SUGCT: variants seen among roughly 807,000 people sequenced by gnomAD.
The protein encoded by SUGCT is succinyl-CoA:glutarate-CoA transferase, also known as succinyl-CoA:glutarate CoA-transferase.
In SUGCT, 41 loss-of-function variants were observed where a neutral mutation model predicts 55.0. The observed-to-expected ratio is 0.74, with a 90% confidence interval of 0.58 to 0.97. The LOEUF (loss-of-function observed/expected upper bound fraction) is 0.97. Among genes scored for constraint, SUGCT ranks in the 50% least tolerant of loss-of-function variants. SUGCT has a pLI of 0.00. For synonymous variants in SUGCT, 187 were observed against 200.4 expected, an observed-to-expected ratio of 0.93 and a Z score of 0.56; for missense variants, 568 against 547.8, an observed-to-expected ratio of 1.04 and a Z score of -0.37.
At chr7:41,003,982 C>A in the SUGCT span, among the ~76,000 whole-genome samples, 1 of 152,174 alleles carries the variant, frequency 6.6e-6, no homozygotes, top group African/African-American at 2.4e-5. Context: ...AAATAAAAAT[C>A]CATCCCACCA....
intron 13 of SUGCT, among the ~76,000 whole-genome samples, chr7:40,752,793 C>T (rs968266058): frequency 3.9e-5 from 6 of 152,212 alleles, no homozygotes; most frequent in African/African-American, 1.4e-4. Context: ...CACTTGACTA[C>T]AACAGAGTTC....
chr7:40,505,398 G>A (rs1450900834), intron 12 of SUGCT, among the ~76,000 whole-genome samples: 1 of 151,820 alleles, frequency 6.6e-6, no homozygotes, highest in African/African-American at 2.4e-5. Context: ...TTTGCTTTAT[G>A]TTTTCTATGT....
At chr7:40,963,511 C>G in the SUGCT span, among the ~76,000 whole-genome samples, 1 of 152,252 alleles carries the variant, frequency 6.6e-6, no homozygotes, top group South Asian at 2.1e-4. Flanking sequence ...TGCTCTTATG[C>G]CTTACCTGGA....
chr7:40,601,615 G>T (rs1237400259), intron 12 of SUGCT, among the ~76,000 whole-genome samples: 1 of 152,134 alleles, frequency 6.6e-6, no homozygotes, highest in Non-Finnish European at 1.5e-5. Flanking sequence ...CAGCAGCTCT[G>T]CATGAGAAAG....
chr7:40,407,232 A>T (rs1786420548), intron 9 of SUGCT, among the ~76,000 whole-genome samples: 1 of 152,086 alleles, frequency 6.6e-6, no homozygotes, highest in African/African-American at 2.4e-5. Context: ...GATTCAAGGA[A>T]AATTTTACCC....
chr7:40,573,950 C>A (rs2151694938), intron 12 of SUGCT, among the ~76,000 whole-genome samples: 1 of 152,290 alleles, frequency 6.6e-6, no homozygotes, highest in South Asian at 2.1e-4. Context: ...TTTTATTCAC[C>A]TATGATGTTT....
intron 1 of SUGCT, among the ~76,000 whole-genome samples, chr7:40,161,403 A>G (rs1433259956): frequency 1.3e-5 from 2 of 151,886 alleles, no homozygotes; most frequent in Non-Finnish European, 2.9e-5. Context: ...CTTTGTATTC[A>G]CACTCTTAAC....
intron 13 of SUGCT, among the ~76,000 whole-genome samples, chr7:40,788,914 A>C (rs1221978758): frequency 2.0e-5 from 3 of 152,312 alleles, no homozygotes; most frequent in East Asian, 3.9e-4. Flanking sequence ...AATTGTTTGA[A>C]TAATTATTAG....
the SUGCT span, among the ~76,000 whole-genome samples, chr7:41,031,805 G>T: frequency 1.3e-5 from 2 of 152,064 alleles, no homozygotes; most frequent in Admixed American, 1.3e-4. Context: ...TGGGCTGCAT[G>T]CCTGGCATAT....
the SUGCT span, among the ~76,000 whole-genome samples, chr7:41,013,870 A>T: frequency 6.6e-6 from 1 of 151,928 alleles, no homozygotes. Context: ...ACTGGAGTAG[A>T]TATTATATGA....
intron 12 of SUGCT, among the ~76,000 whole-genome samples, chr7:40,518,906 A>T (rs1394594662): frequency 1.3e-5 from 2 of 152,248 alleles, no homozygotes; most frequent in East Asian, 1.9e-4. Context: ...ATAAATATTC[A>T]TGATATAATA....
At chr7:40,858,537 G>A (rs1464126309) in intron 13 of SUGCT, among the ~76,000 whole-genome samples, 3 of 151,502 alleles carry the variant, frequency 2.0e-5, no homozygotes. Context: ...GGCATATATT[G>A]CTTCAAGCAG....
chr7:40,401,068 A>C (rs1786039120), intron 9 of SUGCT, among the ~76,000 whole-genome samples: 2 of 152,104 alleles, frequency 1.3e-5, no homozygotes, highest in Admixed American at 1.3e-4. Context: ...TTTGTCAATC[A>C]TGAATTGTTC....
the SUGCT span, among the ~76,000 whole-genome samples, chr7:41,018,451 C>T: frequency 2.0e-5 from 3 of 152,130 alleles, no homozygotes; most frequent in Non-Finnish European, 2.9e-5. Context: ...GAATGAGAAA[C>T]GGATAGCCAC....
Position 40,471,953 on chromosome 7 carries a change from G to A in SUGCT, c.986+12755G>A, listed in dbSNP as rs372012687. ...GTAAGGTCAAATTCATGTATGAAAA[G>A]TATTGTCTTACTAGAAATTAAATAT... On this transcript the variant is annotated intron_variant, in intron 11 of 13. Transcript: ENST00000335693. 1.5e-4 allele frequency among the ~76,000 whole-genome samples: 23 copies of A among 152,124 alleles called. No individual in the cohort carries two copies. In the East Asian group the frequency reaches 4.2e-3, roughly 28 times the overall value.
rs1346087527 is a variant in SUGCT, at chr7:40,496,311, G to T, written c.1014G>T (p.Trp338Cys). The T allele has an allele frequency of 1.2e-6, 2 of 1,612,888 alleles. No homozygotes were observed. Among genetic ancestry groups the T allele is most frequent in the South Asian group, 2.2e-5 (2 of 90,822 alleles). The change falls in exon 12 of 14, where the codon TGG becomes TGT. Residue 338 changes from tryptophan (W) to cysteine (C), a missense_variant. Transcript: ENST00000335693. Reference sequence around the variant, plus strand: ...TTGAAGAAGAACTGACCAGCAAGTGGTTATATCTTTTTGAAGGCAGTGGAG... The same window carrying T: ...TTGAAGAAGAACTGACCAGCAAGTGTTTATATCTTTTTGAAGGCAGTGGAG... ...ERFEEELTSK[W>C]LYLFEGSGVP...
rs188282640 is a variant in SUGCT, at chr7:40,607,461, C to T, written c.1089+111075C>T. Among the ~76,000 whole-genome samples, 10 of 152,216 alleles carry T rather than the reference C, an allele frequency of 6.6e-5. No homozygotes were observed. In the East Asian group the frequency reaches 1.2e-3, roughly 18 times the overall value. Reference sequence around the variant, plus strand: ...TCTGAGAAGTTCTGCAGGAACCTAGCGTTTCCCAGTCTTATTTGATGGCCA... The same window carrying T: ...TCTGAGAAGTTCTGCAGGAACCTAGTGTTTCCCAGTCTTATTTGATGGCCA... On this transcript the variant is annotated intron_variant, in intron 12 of 13. Coordinates refer to ENST00000335693, the MANE Select transcript of SUGCT (RefSeq NM_001193313.2).
intron 9 of SUGCT, among the ~76,000 whole-genome samples, chr7:40,426,397 T>C (rs1787588232): frequency 6.6e-6 from 1 of 152,182 alleles, no homozygotes; most frequent in Non-Finnish European, 1.5e-5. Context: ...CCTGATTAGA[T>C]TCAACATTCA....
intron 10 of SUGCT, among the ~76,000 whole-genome samples, chr7:40,450,858 C>T (rs1449759017): frequency 2.0e-5 from 3 of 151,970 alleles, no homozygotes; most frequent in Non-Finnish European, 4.4e-5. Context: ...TATTACTGTG[C>T]CTCTTTTGTA....
Sources: allele counts gnomAD v4.1 joint callset (sites outside exome capture counted in the v4.1 genomes callset), GRCh38; gene constraint gnomAD v4.1.1; transcripts MANE v1.5; gene names NCBI Gene and HGNC (gene_info 2026-07-23, HGNC 2026-07-21).